The following FAM220A variants were observed in gnomAD, a reference collection of about 807,000 sequenced individuals.
The protein encoded by FAM220A is protein FAM220A.
For synonymous variants in FAM220A, 141 were observed against 130.7 expected (o/e 1.08, Z -0.54); for missense variants, 392 against 321.6 (o/e 1.22, Z -1.68).
intron 1 of FAM220A, among the ~76,000 whole-genome samples, chr7:6,344,733 T>A (rs571149958): frequency 3.3e-5 from 5 of 152,004 alleles, no homozygotes; most frequent in Non-Finnish European, 7.4e-5. Flanking sequence ...CAATTCTTTT[T>A]TTTAAATTTT....
At chr7:6,348,366 C>G (rs1266232180) in intron 1 of FAM220A, among the ~76,000 whole-genome samples, 1 of 152,210 alleles carries the variant, frequency 6.6e-6, no homozygotes, top group Middle Eastern at 3.2e-3. Context: ...AGGCAAGTCG[C>G]TTAACCTGAC....
chr7:6,339,908 T>A (rs533733644), intron 1 of FAM220A, among the ~76,000 whole-genome samples: 130 of 144,530 alleles, frequency 9.0e-4, no homozygotes, highest in African/African-American at 3.0e-3. Context: ...GCAGGGAGCA[T>A]GAGTCTCACT....
At chr7:6,331,771 G>C (rs909471020) in intron 1 of FAM220A, among the ~76,000 whole-genome samples, 19 of 135,752 alleles carry the variant, frequency 1.4e-4, no homozygotes, top group Non-Finnish European at 2.5e-4. Flanking sequence ...ATGGCGTTTC[G>C]CTCTTTTTGC....
rs1475942468 is a variant in FAM220A at position 6,341,336 on chromosome 7, G to A, written c.-82+7237C>T. 2.6e-5 allele frequency among the ~76,000 whole-genome samples: 4 copies of A among 151,456 alleles called. No homozygotes were observed. The East Asian group carries it at 7.7e-4, about 29-fold the overall frequency. On this transcript the variant is annotated intron_variant, in intron 1 of 1. Transcript: ENST00000313324. ...CGGGCGCCTGTAGTCCCAGCTACTC[G>A]GGAGGCTGAGGCAGGAGAATGGTGT...
intron 1 of FAM220A, among the ~76,000 whole-genome samples, chr7:6,346,021 A>C (rs1315364428): frequency 6.6e-6 from 1 of 152,082 alleles, no homozygotes; most frequent in Non-Finnish European, 1.5e-5. Context: ...CGCCTGCTTC[A>C]GCCTCCCAAT....
At chr7:6,345,006 G>A (rs1781929321) in intron 1 of FAM220A, among the ~76,000 whole-genome samples, 1 of 152,160 alleles carries the variant, frequency 6.6e-6, no homozygotes, top group African/African-American at 2.4e-5. Context: ...CTCTCAAAGT[G>A]CTGGGATTTA....
intron 1 of FAM220A, chr7:6,341,787 C>T (rs1781862750): frequency 6.6e-6 from 1 of 151,736 alleles, no homozygotes; most frequent in South Asian, 2.1e-4. Flanking sequence ...CACCTGAGGT[C>T]AGGGGTTCAA....
chr7:6,336,940 C>G (rs1562446456), intron 1 of FAM220A, among the ~76,000 whole-genome samples: 1 of 152,154 alleles, frequency 6.6e-6, no homozygotes, highest in Non-Finnish European at 1.5e-5. Flanking sequence ...AGGCGTGAGC[C>G]ACCATGGCTG....
At chr7:6,339,103 G>A (rs1203271845) in intron 1 of FAM220A, among the ~76,000 whole-genome samples, 2 of 152,134 alleles carry the variant, frequency 1.3e-5, no homozygotes, top group African/African-American at 2.4e-5. Flanking sequence ...TTCTAAATTA[G>A]GCTGAATCAT....
chr7:6,338,953 T>C (rs1351317397), intron 1 of FAM220A, among the ~76,000 whole-genome samples: 1 of 152,048 alleles, frequency 6.6e-6, no homozygotes, highest in Non-Finnish European at 1.5e-5. Context: ...ATGGGCCAGC[T>C]CCACACCCCT....
chr7:6,337,437 AAGAAAAAC>A (rs908339210), intron 1 of FAM220A, among the ~76,000 whole-genome samples: 1 of 150,794 alleles, frequency 6.6e-6, no homozygotes, highest in Admixed American at 6.6e-5. Flanking sequence ...TTTAATTCTC[AAGAAAAAC>A]AGGTCATATA....
chr7:6,331,647 T>C (rs1021548638), intron 1 of FAM220A, among the ~76,000 whole-genome samples: 1 of 151,850 alleles, frequency 6.6e-6, no homozygotes, highest in African/African-American at 2.4e-5. Flanking sequence ...CCCAAAGTAC[T>C]GGGATTACAG....
chr7:6,330,165 C>T lies in FAM220A; in HGVS notation c.*210G>A, dbSNP rs1781599303. On this transcript the variant is annotated 3_prime_UTR_variant, in exon 2 of 2. Transcript: ENST00000313324. ...AAATGTTTCCCAATTCTTTATATGT[C>T]TTTTAAAGCACAATTTAACACATGC... The T allele has an allele frequency of 6.9e-6, 4 of 580,404 alleles. No homozygotes were observed. In the East Asian group the frequency reaches 1.2e-4, roughly 18 times the overall value. 36.0% of individuals were successfully genotyped at this position (580,404 alleles called of 1,614,324 possible).
chr7:6,337,034 A>C (rs1419469637), intron 1 of FAM220A, among the ~76,000 whole-genome samples: 1 of 152,066 alleles, frequency 6.6e-6, no homozygotes, highest in East Asian at 1.9e-4. Context: ...AAGGATTCCT[A>C]AATATATTTC....
intron 1 of FAM220A, among the ~76,000 whole-genome samples, chr7:6,337,411 T>A (rs1335181527): frequency 6.6e-6 from 1 of 151,624 alleles, no homozygotes; most frequent in Non-Finnish European, 1.5e-5. Flanking sequence ...CGTGAGCCAC[T>A]GCGCCCGCCC....
chr7:6,339,817 G>T (rs1322876141), intron 1 of FAM220A, among the ~76,000 whole-genome samples: 3 of 151,806 alleles, frequency 2.0e-5, no homozygotes, highest in Non-Finnish European at 4.4e-5. Flanking sequence ...CCGGTCCCCT[G>T]GATGCTCACA....
intron 1 of FAM220A, among the ~76,000 whole-genome samples, chr7:6,340,438 C>T (rs960537073): frequency 4.6e-5 from 7 of 152,080 alleles, no homozygotes; most frequent in Non-Finnish European, 8.8e-5. Flanking sequence ...AAGTACACTT[C>T]AGTAGAAGGG....
intron 1 of FAM220A, among the ~76,000 whole-genome samples, chr7:6,336,917 G>T (rs1327601136): frequency 1.3e-5 from 2 of 152,090 alleles, no homozygotes; most frequent in East Asian, 3.9e-4. Flanking sequence ...GCCTCCCAAA[G>T]TGCTGGAATT....
intron 1 of FAM220A, among the ~76,000 whole-genome samples, chr7:6,332,956 C>G (rs554308782): frequency 1.3e-5 from 2 of 151,896 alleles, no homozygotes; most frequent in Admixed American, 6.6e-5. Context: ...GTCAGGAGTT[C>G]GAGACAAGCA....
Sources: gnomAD v4.1 joint callset for allele counts (sites outside exome capture counted in the v4.1 genomes callset) on GRCh38, gnomAD v4.1.1 for gene constraint, MANE v1.5 for transcripts, NCBI Gene and HGNC (gene_info 2026-07-23, HGNC 2026-07-21) for gene names.